Variants in BNC1 observed in about 807,000 individuals in gnomAD.
The protein encoded by BNC1 is zinc finger protein basonuclin-1.
BNC1 carries 8 observed loss-of-function variants against 66.5 expected under a neutral mutation model. The observed-to-expected ratio is 0.12, with a 90% CI of 0.07 to 0.22. The LOEUF (loss-of-function observed/expected upper bound fraction) is 0.22. Among genes scored for constraint, BNC1 ranks in the 10% least tolerant of loss-of-function variants. BNC1 has a pLI of 1.00. For synonymous variants in BNC1, 454 were observed against 452.6 expected, an observed-to-expected ratio of 1.00 and a Z score of -0.04; for missense variants, 1,069 against 1,241.3, an observed-to-expected ratio of 0.86 and a Z score of 2.09.
In BNC1 at chr15:83,257,616, G is replaced by T. The variant is rs1157916634; in HGVS notation, c.2811C>A (p.Tyr937Ter). 1 of 1,614,030 alleles carries T rather than the reference G, an allele frequency of 6.2e-7. No homozygotes were observed. The highest frequency in any genetic ancestry group is 2.2e-5 in the East Asian group (1 of 44,890). The change falls in exon 5 of 5, where the codon TAC (tyrosine) becomes TAA (stop). Residue 937 changes from tyrosine to a stop codon, truncating the protein, a stop_gained. Coordinates refer to ENST00000345382, the MANE Select transcript of BNC1 (RefSeq NM_001717.4). LOFTEE classifies it high-confidence loss of function. ...GGGCCCTAAAGGTCCCTTTGTTACT[G>T]TATGTCTTTTGGCAGAGATGACAGG... The part of the protein sequence containing the change: ...PITCHLCQKT[Y>*]SNKGTFRAHY...
rs539302592 is a variant in BNC1 at position 83,265,135 on chromosome 15, G to C, written c.436-320C>G. Among the ~76,000 whole-genome samples, 68 of 152,290 alleles carry C rather than the reference G, an allele frequency of 4.5e-4. 1 individual carries two copies. Among genetic ancestry groups the C allele is most frequent in the African/African-American group, 1.6e-3 (66 of 41,572 alleles). On this transcript the variant is annotated intron_variant, in intron 3 of 4. Transcript: ENST00000345382. ...CAGACCAATTGCTTGTCTAGCATTA[G>C]ACATAATAATTTTCCCTGCTAAAAT...
chr15:83,271,143 G>A (rs2038265768), intron 1 of BNC1, among the ~76,000 whole-genome samples: 2 of 152,066 alleles, frequency 1.3e-5, no homozygotes, highest in Non-Finnish European at 2.9e-5. Flanking sequence ...AGGTGTGGTG[G>A]CATGCACCTG....
chr15:83,260,763 G>A (rs1181179779), intron 4 of BNC1, among the ~76,000 whole-genome samples: 1 of 152,228 alleles, frequency 6.6e-6, no homozygotes, highest in Admixed American at 6.5e-5. Context: ...AACTGTTGCT[G>A]GCAGTAGCAG....
intron 4 of BNC1, among the ~76,000 whole-genome samples, chr15:83,259,946 C>T (rs1009873575): frequency 6.6e-6 from 1 of 152,180 alleles, no homozygotes; most frequent in Non-Finnish European, 1.5e-5. Flanking sequence ...ATGTCTCCAT[C>T]TCTTCCCTTC....
intron 1 of BNC1, 26 bp downstream of exon 1, chr15:83,284,504 G>C: frequency 8.4e-7 from 1 of 1,194,164 alleles, no homozygotes; most frequent in Admixed American, 3.9e-5. Flanking sequence ...GAGAATCCCC[G>C]CGCCCGCGGA....
rs908507987 is a variant in BNC1 at position 83,263,083 on chromosome 15, T to G, written c.2168A>C (p.Asp723Ala). 33 of 1,614,114 alleles carry G rather than the reference T, an allele frequency of 2.0e-5. No homozygotes were observed. Among genetic ancestry groups the G allele is most frequent in the Non-Finnish European group, 2.7e-5 (32 of 1,180,044 alleles). ...RQIEENRFQC[D>A]ICKKTFKNAC... ...ATTTTTAAAGGTCTTCTTGCAGATG[T>G]CACACTGGAAGCGATTTTCTTCTAT... The change falls in exon 4 of 5, where the codon GAC (aspartate) becomes GCC (alanine). Residue 723 changes from aspartate (D) to alanine (A), a missense_variant. Transcript: ENST00000345382.
chr15:83,258,108 G>A lies in BNC1; in HGVS notation c.2319C>T (p.Asn773=). 4 of 1,602,204 alleles carry A rather than the reference G, an allele frequency of 2.5e-6. No homozygotes were observed. Among genetic ancestry groups the A allele is most frequent in the Non-Finnish European group, 3.4e-6 (4 of 1,170,110 alleles). ...CCTGGCTCAATGCTTTTTGGTGGAGGTTTAGGTTTGAGCTGTGTCTACAAG... is the reference window on the plus strand; with the variant it reads ...CCTGGCTCAATGCTTTTTGGTGGAGATTTAGGTTTGAGCTGTGTCTACAAG... ...RSRDRHSSNL[N]LHQKALSQEA... Residue 773 remains asparagine, a synonymous_variant, in exon 5 of 5, where the codon AAC becomes AAT. Coordinates refer to ENST00000345382, the MANE Select transcript of BNC1 (RefSeq NM_001717.4).
At position 83,256,003 on chromosome 15, in the gene BNC1, T is replaced by TG. The variant is rs1178209420; in HGVS notation, c.*1438dup. 8 of 152,778 alleles carry TG rather than the reference T, an allele frequency of 5.2e-5. No individual in the cohort carries two copies. In the East Asian group the frequency reaches 1.5e-3, roughly 29 times the overall value. 9.5% of individuals were successfully genotyped at this position (152,778 alleles called of 1,614,324 possible). A position where few individuals can be genotyped will look rare whatever the true frequency, so the allele number is the denominator to read the frequency against. ...TTAAACAGCTGGGTAACTAAACAGTTGAAAGATACATTTCACTTTAAATAG... is the reference window on the plus strand; with the variant it reads ...TTAAACAGCTGGGTAACTAAACAGTTGGAAAGATACATTTCACTTTAAATAG... On this transcript the variant is annotated 3_prime_UTR_variant, in exon 5 of 5. Coordinates refer to ENST00000345382, the MANE Select transcript of BNC1 (RefSeq NM_001717.4).
rs2151435912 is a variant in BNC1 at position 83,264,003 on chromosome 15, T to C, written c.1248A>G (p.Pro416=). Residue 416 remains proline (P), a synonymous_variant, in exon 4 of 5, where the codon CCA becomes CCG. Transcript: ENST00000345382. Reference sequence around the variant, plus strand: ...CTTTGTCCCGGTTATTTCTGTTCATTGGCATGTGCAGCCGAGGGTTGGGGT... The same window carrying C: ...CTTTGTCCCGGTTATTTCTGTTCATCGGCATGTGCAGCCGAGGGTTGGGGT... ...SANPNPRLHM[P]MNRNNRDKDL... 1.2e-6 allele frequency: 2 copies of C among 1,614,202 alleles called. No homozygotes were observed. The highest frequency in any genetic ancestry group is 1.7e-6 in the Non-Finnish European group (2 of 1,180,036).
At chr15:83,268,733 C>T (rs1174505140) in intron 1 of BNC1, among the ~76,000 whole-genome samples, 2 of 152,180 alleles carry the variant, frequency 1.3e-5, no homozygotes, top group Non-Finnish European at 2.9e-5. Flanking sequence ...CATGTAATAG[C>T]TGACTACACT....
chr15:83,265,834 T>TA (rs2038212030), intron 3 of BNC1, among the ~76,000 whole-genome samples: 1 of 152,168 alleles, frequency 6.6e-6, no homozygotes, highest in Non-Finnish European at 1.5e-5. Flanking sequence ...ATAATATGCC[T>TA]AAGCTTAAGA....
At chr15:83,275,610 G>A (rs989636022) in intron 1 of BNC1, among the ~76,000 whole-genome samples, 1 of 152,170 alleles carries the variant, frequency 6.6e-6, no homozygotes. Flanking sequence ...AGCCTTTGAG[G>A]AGGTAACATG....
At chr15:83,283,278 A>G (rs887739416) in intron 1 of BNC1, 17 of 1,528,850 alleles carry the variant, frequency 1.1e-5, no homozygotes, top group Non-Finnish European at 1.5e-5. Flanking sequence ...GCCTCGCCAC[A>G]ATCTTGTCAC....
chr15:83,273,423 C>A (rs1161343635), intron 1 of BNC1, among the ~76,000 whole-genome samples: 1 of 152,134 alleles, frequency 6.6e-6, no homozygotes, highest in Non-Finnish European at 1.5e-5. Flanking sequence ...AAATGTATAG[C>A]CTTTGGAATC....
intron 1 of BNC1, among the ~76,000 whole-genome samples, chr15:83,269,463 G>A (rs1415605324): frequency 6.6e-6 from 1 of 151,996 alleles, no homozygotes; most frequent in East Asian, 1.9e-4. Context: ...ATCTGGAGGA[G>A]GGATAAAAAA....
intron 4 of BNC1, among the ~76,000 whole-genome samples, chr15:83,261,683 C>T (rs1300256777): frequency 2.0e-5 from 3 of 152,300 alleles, no homozygotes; most frequent in East Asian, 1.9e-4. Flanking sequence ...GCTATCCCCA[C>T]GGTGATGAGA....
At position 83,264,740 on chromosome 15, in the gene BNC1, G is replaced by A; in HGVS notation, c.511C>T (p.Leu171Phe). Residue 171 changes from leucine (L) to phenylalanine (F), a missense_variant, in exon 4 of 5, where the codon CTT (leucine) becomes TTT (phenylalanine). Transcript: ENST00000345382. The part of the protein sequence containing the change: ...EEEVATLQQF[L>F]RFGETKSIVE... ...ATAGATTTGGTCTCTCCAAAACGAA[G>A]GAACTGCTGCAAGGTGGCCACTTCT... 6.2e-7 allele frequency: 1 copy of A among 1,614,162 alleles called. No homozygotes were observed. Among genetic ancestry groups the A allele is most frequent in the Non-Finnish European group, 8.5e-7 (1 of 1,180,028 alleles).
In BNC1 at chr15:83,264,629, T is replaced by C. The variant is rs2038195528; in HGVS notation, c.622A>G (p.Ile208Val). 1 of 1,614,068 alleles carries C rather than the reference T, an allele frequency of 6.2e-7. No homozygotes were observed. Among genetic ancestry groups the C allele is most frequent in the African/African-American group, 1.3e-5 (1 of 74,914 alleles). ...STANVDIRAFIESCSHRSSSL... is the reference protein window; with the variant it reads ...STANVDIRAFVESCSHRSSSL... ...GAACTCCTGTGACTGCAGCTCTCGA[T>C]GAAAGCCCTGATATCTACATTTGCT... The change falls in exon 4 of 5, where the codon ATC (isoleucine) becomes GTC (valine). Residue 208 changes from isoleucine (I) to valine (V), a missense_variant. Physicochemically the swap from Ile to Val is conservative, Grantham distance 29 (BLOSUM62 3). Coordinates refer to ENST00000345382, the MANE Select transcript of BNC1 (RefSeq NM_001717.4).
rs1476763936 is a variant in BNC1, at chr15:83,267,194, CA to C, written c.200-124del. 16 of 701,112 alleles carry C rather than the reference CA, an allele frequency of 2.3e-5. No homozygotes were observed. In the East Asian group the frequency reaches 4.3e-4, roughly 19 times the overall value. 43.4% of individuals were successfully genotyped at this position (701,112 alleles called of 1,614,324 possible). On this transcript the variant is annotated intron_variant, in intron 2 of 4. Coordinates refer to ENST00000345382, the MANE Select transcript of BNC1 (RefSeq NM_001717.4). ...ATTCCACAGAAAATACATGAATATA[CA>C]AATGATTAAATACCTTAATAGCTAT...
Sources: allele counts gnomAD v4.1 joint callset (sites outside exome capture counted in the v4.1 genomes callset), GRCh38; gene constraint gnomAD v4.1.1; transcripts MANE v1.5; gene names NCBI Gene and HGNC (gene_info 2026-07-23, HGNC 2026-07-21).